Variants in INPP4B observed in about 807,000 individuals in gnomAD.
INPP4B encodes inositol polyphosphate-4-phosphatase type II B.
A neutral mutation model predicts 122.5 loss-of-function variants in INPP4B; 55 were observed. That is an observed-to-expected ratio of 0.45 (90% CI 0.36 to 0.56). INPP4B has a LOEUF of 0.56. Among genes scored for constraint, INPP4B ranks in the 20% least tolerant of loss-of-function variants. The probability of loss-of-function intolerance (pLI) is 0.00; values close to 1 mark genes in which losing one functional copy is unlikely to be tolerated. For synonymous variants in INPP4B, 403 were observed against 388.7 expected, an observed-to-expected ratio of 1.04 and a Z score of -0.43; for missense variants, 1,000 against 1,097.7, an observed-to-expected ratio of 0.91 and a Z score of 1.26.
At chr4:142,665,858 C>A (rs1449747293) in intron 2 of INPP4B, among the ~76,000 whole-genome samples, 1 of 152,002 alleles carries the variant, frequency 6.6e-6, no homozygotes, top group African/African-American at 2.4e-5. Flanking sequence ...TTCTAAGACC[C>A]CCAGTGGATG....
intron 1 of INPP4B, among the ~76,000 whole-genome samples, chr4:142,756,380 T>TACCTTAAAG (rs1770524353): frequency 2.0e-5 from 3 of 152,046 alleles, no homozygotes; most frequent in African/African-American, 4.8e-5. Context: ...GTAAGACAAT[T>TACCTTAAAG]AATCCTCTTA....
intron 1 of INPP4B, among the ~76,000 whole-genome samples, chr4:142,811,488 T>G (rs1014680807): frequency 6.6e-6 from 1 of 152,186 alleles, no homozygotes; most frequent in Non-Finnish European, 1.5e-5. Context: ...GAAAGCTTGA[T>G]GTAATTTGCT....
intron 5 of INPP4B, among the ~76,000 whole-genome samples, chr4:142,422,445 T>C (rs1232863318): frequency 6.6e-6 from 1 of 152,010 alleles, no homozygotes; most frequent in Non-Finnish European, 1.5e-5. Context: ...GACTTGTCAT[T>C]AGAAGGCGCC....
chr4:142,199,850 C>A (rs986802676), intron 14 of INPP4B, among the ~76,000 whole-genome samples: 6 of 152,012 alleles, frequency 3.9e-5, no homozygotes, highest in Non-Finnish European at 7.4e-5. Context: ...TTGAGGCTAA[C>A]CTTGATGCAT....
intron 7 of INPP4B, among the ~76,000 whole-genome samples, chr4:142,340,317 T>A (rs1221063912): frequency 2.0e-5 from 3 of 152,206 alleles, no homozygotes; most frequent in African/African-American, 7.2e-5. Flanking sequence ...GAGGCAATTG[T>A]GGAGATGAGA....
intron 2 of INPP4B, among the ~76,000 whole-genome samples, chr4:142,642,803 A>C (rs1363788664): frequency 1.3e-5 from 2 of 152,210 alleles, no homozygotes. Context: ...AATTCTGTGA[A>C]GAAAGTTATG....
At chr4:142,555,136 G>T (rs1297611814) in intron 2 of INPP4B, among the ~76,000 whole-genome samples, 1 of 152,152 alleles carries the variant, frequency 6.6e-6, no homozygotes, top group Non-Finnish European at 1.5e-5. Context: ...ATATCAGCCT[G>T]CAGGATGGCT....
intron 14 of INPP4B, among the ~76,000 whole-genome samples, chr4:142,202,522 C>T (rs901058729): frequency 2.9e-4 from 44 of 152,136 alleles, no homozygotes; most frequent in African/African-American, 7.7e-4. Context: ...GTGATACTCT[C>T]ACATTCTTGA....
chr4:142,337,256 G>A (rs1346216251), intron 7 of INPP4B, among the ~76,000 whole-genome samples: 1 of 152,078 alleles, frequency 6.6e-6, no homozygotes, highest in East Asian at 1.9e-4. Context: ...ATTAGCTGCA[G>A]TGAACTGCTG....
intron 10 of INPP4B, among the ~76,000 whole-genome samples, chr4:142,267,936 T>C (rs1743616258): frequency 6.6e-6 from 1 of 151,918 alleles, no homozygotes; most frequent in South Asian, 2.1e-4. Flanking sequence ...AACGGATATA[T>C]TAAAAAATGC....
chr4:142,593,588 C>T lies in INPP4B; in HGVS notation c.-190-130862G>A, dbSNP rs973819504. On this transcript the variant is annotated intron_variant, in intron 2 of 25. Coordinates refer to ENST00000262992, the MANE Select transcript of INPP4B (RefSeq NM_001101669.3). ...CTGGACCCTAGGCCACTGCATATGGCTGGCAAAAATCACCACCCTGTAGCC... is the reference window on the plus strand; with the variant it reads ...CTGGACCCTAGGCCACTGCATATGGTTGGCAAAAATCACCACCCTGTAGCC... Among the ~76,000 whole-genome samples the T allele has an allele frequency of 1.8e-4, 27 of 152,254 alleles. 1 individual carries two copies. Among genetic ancestry groups the T allele is most frequent in the African/African-American group, 6.5e-4 (27 of 41,546 alleles).
intron 25 of INPP4B, among the ~76,000 whole-genome samples, chr4:142,038,245 A>G (rs1745179379): frequency 6.6e-6 from 1 of 152,200 alleles, no homozygotes; most frequent in Non-Finnish European, 1.5e-5. Flanking sequence ...CATGAGTGAG[A>G]TAATTCCCAT....
intron 7 of INPP4B, among the ~76,000 whole-genome samples, chr4:142,323,666 C>G (rs1020839865): frequency 4.0e-5 from 6 of 151,718 alleles, no homozygotes; most frequent in African/African-American, 1.5e-4. Flanking sequence ...AGGATGGTCT[C>G]AATCTCCTGA....
intron 1 of INPP4B, among the ~76,000 whole-genome samples, chr4:142,830,491 C>T (rs996220320): frequency 5.3e-5 from 8 of 152,178 alleles, no homozygotes; most frequent in Non-Finnish European, 1.2e-4. Flanking sequence ...AGAAAAGAGG[C>T]TAGCTAGAGG....
At chr4:142,518,300 C>T (rs1825660521) in intron 2 of INPP4B, among the ~76,000 whole-genome samples, 1 of 152,032 alleles carries the variant, frequency 6.6e-6, no homozygotes. Context: ...CAGTTCTATC[C>T]ACATAACCTG....
chr4:142,746,792 A>G (rs1768822308), intron 1 of INPP4B, among the ~76,000 whole-genome samples: 1 of 152,206 alleles, frequency 6.6e-6, no homozygotes, highest in Admixed American at 6.5e-5. Context: ...TATTTAAACA[A>G]AGGTGTTGAG....
chr4:142,094,957 C>G (rs1274034536), intron 23 of INPP4B, among the ~76,000 whole-genome samples: 2 of 152,052 alleles, frequency 1.3e-5, no homozygotes, highest in Non-Finnish European at 1.5e-5. Context: ...GAATATGAAA[C>G]CTATAATTTA....
intron 1 of INPP4B, among the ~76,000 whole-genome samples, chr4:142,810,411 TC>T (rs1189582241): frequency 6.6e-6 from 1 of 152,160 alleles, no homozygotes; most frequent in Non-Finnish European, 1.5e-5. Flanking sequence ...GTGCCTTTGT[TC>T]CTGTGGTATC....
At chr4:142,104,858 G>A (rs1412515555) in intron 23 of INPP4B, among the ~76,000 whole-genome samples, 1 of 151,990 alleles carries the variant, frequency 6.6e-6, no homozygotes, top group Non-Finnish European at 1.5e-5. Flanking sequence ...GTAAATAGCT[G>A]TTATACTATA....
Sources: allele counts gnomAD v4.1 joint callset (sites outside exome capture counted in the v4.1 genomes callset), GRCh38; gene constraint gnomAD v4.1.1; transcripts MANE v1.5; gene names NCBI Gene and HGNC (gene_info 2026-07-23, HGNC 2026-07-21).